Variants in GBP6 observed in about 807,000 individuals in gnomAD.
The protein encoded by GBP6 is guanylate-binding protein 6.
Under a neutral mutation model 61.5 loss-of-function variants are expected in GBP6, and 54 were observed. That is an observed-to-expected ratio of 0.88 (90% confidence interval 0.71 to 1.10). The LOEUF is 1.10. Ranked by LOEUF, GBP6 falls within the 50% of genes least tolerant of loss-of-function variation. The pLI is 0.00. For missense variants in GBP6, 748 were observed against 752.8 expected (o/e 0.99, Z 0.07); for synonymous variants, 255 against 273.7 (o/e 0.93, Z 0.67).
intron 2 of GBP6, 59 bp downstream of exon 2, chr1:89,368,800 TG>T: frequency 1.3e-6 from 2 of 1,501,720 alleles, no homozygotes; most frequent in Non-Finnish European, 1.8e-6. Context: ...CTCAGCTTCT[TG>T]ATTCTCTACC....
At chr1:89,367,665 T>C (rs1190316429) in intron 1 of GBP6, among the ~76,000 whole-genome samples, 1 of 152,196 alleles carries the variant, frequency 6.6e-6, no homozygotes, top group African/African-American at 2.4e-5. Context: ...TGAAGTGTGG[T>C]GTATCTAATT....
intron 3 of GBP6, among the ~76,000 whole-genome samples, chr1:89,374,660 A>T (rs1179917657): frequency 2.0e-5 from 3 of 152,118 alleles, no homozygotes; most frequent in Non-Finnish European, 4.4e-5. Context: ...TTTAATTTGC[A>T]TTTCCTTGAT....
intron 10 of GBP6, 31 bp downstream of exon 10, chr1:89,384,317 A>G: frequency 6.4e-7 from 1 of 1,559,336 alleles, no homozygotes; most frequent in African/African-American, 1.4e-5. Context: ...AGCAGGCCAG[A>G]CGGTCCTCAC....
chr1:89,377,911 G>T (rs948428279), intron 3 of GBP6, among the ~76,000 whole-genome samples, 192 bp from the exon 4 acceptor site: 2 of 152,164 alleles, frequency 1.3e-5, no homozygotes, highest in African/African-American at 4.8e-5. Context: ...ATGAAGATTA[G>T]AATCCTTTTA....
chr1:89,383,219 C>T (rs946722723), intron 8 of GBP6, among the ~76,000 whole-genome samples: 2 of 54,386 alleles, frequency 3.7e-5, no homozygotes, highest in African/African-American at 2.2e-4. Flanking sequence ...TTAAGAAGCA[C>T]CTTTATTTGG....
chr1:89,383,866 A>T, intron 9 of GBP6, 112 bp downstream of exon 9: 1 of 911,460 alleles, frequency 1.1e-6, no homozygotes, highest in South Asian at 1.7e-5. Flanking sequence ...TGTGGAACAC[A>T]CACTCTGCTA....
chr1:89,367,099 T>C (rs973845698), intron 1 of GBP6, among the ~76,000 whole-genome samples: 5 of 152,224 alleles, frequency 3.3e-5, no homozygotes, highest in African/African-American at 9.6e-5. Flanking sequence ...CTATTGTGCA[T>C]AATGCTGCCA....
intron 1 of GBP6, among the ~76,000 whole-genome samples, chr1:89,366,692 G>C (rs1652476592): frequency 1.3e-5 from 2 of 152,148 alleles, no homozygotes; most frequent in South Asian, 4.2e-4. Context: ...TCTCTTTTTT[G>C]TTGGTAAAAT....
chr1:89,368,862 C>T, intron 2 of GBP6, 121 bp downstream of exon 2: 1 of 797,622 alleles, frequency 1.3e-6, no homozygotes, highest in South Asian at 2.5e-5. Flanking sequence ...CCAACCTTCT[C>T]ATTCCAATTC....
chr1:89,378,143 T>C lies in GBP6; in HGVS notation c.359T>C (p.Val120Ala). The C allele has an allele frequency of 6.2e-7, 1 of 1,613,278 alleles. No homozygotes were observed. The highest frequency in any genetic ancestry group is 8.5e-7 in the Non-Finnish European group (1 of 1,179,776). ...KNDSWIFALA[V>A]LLCSTFVYNS... ...GACTCCTGGATCTTTGCCCTGGCTG[T>C]GCTCCTGTGCAGCACCTTTGTCTAC... The change falls in exon 4 of 11, where the codon GTG becomes GCG. Residue 120 changes from valine to alanine, a missense_variant. By Grantham distance (64) the Val-to-Ala change is moderately conservative (BLOSUM62 0). Coordinates refer to ENST00000370456, the MANE Select transcript of GBP6 (RefSeq NM_198460.3).
chr1:89,380,719 T>C, intron 6 of GBP6, 88 bp downstream of exon 6: 2 of 1,304,662 alleles, frequency 1.5e-6, no homozygotes, highest in Non-Finnish European at 2.1e-6. Context: ...TTAGATTCCA[T>C]ATAGAAAAAC....
Position 89,366,166 on chromosome 1 carries a change from T to C in GBP6, c.-24+2039T>C, listed in dbSNP as rs777700031. On this transcript the variant is annotated intron_variant, in intron 1 of 10. Coordinates refer to ENST00000370456, the MANE Select transcript of GBP6 (RefSeq NM_198460.3). The stretch of plus-strand genomic sequence containing the variant: ...CTCAAAAAGAAATCTCTCTAACTTA[T>C]CTATTAATATGTATGTACATAATTT... Among the ~76,000 whole-genome samples, 64 of 152,210 alleles carry C rather than the reference T, an allele frequency of 4.2e-4. 1 individual carries two copies. Among genetic ancestry groups the C allele is most frequent in the Non-Finnish European group, 8.2e-4 (56 of 68,032 alleles).
chr1:89,376,820 G>A (rs577431166), intron 3 of GBP6, among the ~76,000 whole-genome samples: 3 of 152,216 alleles, frequency 2.0e-5, no homozygotes, highest in Admixed American at 2.0e-4. Flanking sequence ...GGGCAACATA[G>A]TGAAAGCCCA....
rs896286635 is a variant in GBP6, at chr1:89,386,315, G to A, written c.*846G>A. 2 of 152,192 alleles carry A rather than the reference G, an allele frequency of 1.3e-5. No homozygotes were observed. The highest frequency in any genetic ancestry group is 2.4e-5 in the African/African-American group (1 of 41,438). The allele number at this position is 152,192 out of a possible 1,614,324, so 9.4% of individuals were successfully genotyped here. Reference sequence around the variant, plus strand: ...TCCTTCTGGGAAGAACCAAGTGAATGTAGGGGTTGAAGGAACACATACTCT... The same window carrying A: ...TCCTTCTGGGAAGAACCAAGTGAATATAGGGGTTGAAGGAACACATACTCT... On this transcript the variant is annotated 3_prime_UTR_variant, in exon 11 of 11. Coordinates refer to ENST00000370456, the MANE Select transcript of GBP6 (RefSeq NM_198460.3).
chr1:89,371,794 G>A (rs1282047098), intron 3 of GBP6, among the ~76,000 whole-genome samples: 2 of 152,192 alleles, frequency 1.3e-5, no homozygotes, highest in African/African-American at 4.8e-5. Flanking sequence ...ATTCAACATA[G>A]TGTTGGAAGT....
At chr1:89,372,320 G>C (rs1652667150) in intron 3 of GBP6, among the ~76,000 whole-genome samples, 1 of 152,012 alleles carries the variant, frequency 6.6e-6, no homozygotes, top group African/African-American at 2.4e-5. Flanking sequence ...CTACTTTAAA[G>C]TTCATATGGA....
rs780373179 is a variant in GBP6 at position 89,380,473 on chromosome 1, G to A, written c.713G>A (p.Arg238Gln). The A allele has an allele frequency of 2.9e-5, 47 of 1,613,882 alleles. No homozygotes were observed. The highest frequency in any genetic ancestry group is 3.6e-5 in the Non-Finnish European group (42 of 1,179,996). Residue 238 changes from arginine (R) to glutamine (Q), a missense_variant, in exon 6 of 11, where the codon CGG becomes CAG. Arg to Gln is a conservative substitution (Grantham distance 43). Coordinates refer to ENST00000370456, the MANE Select transcript of GBP6 (RefSeq NM_198460.3). ...FPKRKCFVFDRPTNDKDLLAN... is the reference protein window; with the variant it reads ...FPKRKCFVFDQPTNDKDLLAN... ...AAACGGAAGTGTTTCGTCTTTGACCGGCCAACAAATGACAAAGACCTTCTA... is the reference window on the plus strand; with the variant it reads ...AAACGGAAGTGTTTCGTCTTTGACCAGCCAACAAATGACAAAGACCTTCTA...
Position 89,383,345 on chromosome 1 carries a change from G to A in GBP6, c.1366-307G>A, listed in dbSNP as rs151138821. 4.1e-3 allele frequency among the ~76,000 whole-genome samples: 621 copies of A among 152,236 alleles called. 11 individuals carry two copies. Among genetic ancestry groups the A allele is most frequent in the Admixed American group, 0.03 (452 of 15,288 alleles). On this transcript the variant is annotated intron_variant, in intron 8 of 10. Transcript: ENST00000370456. ...TAGATTAGAGGCAGCATTGCACACT[G>A]GAAGACAGACATGTATAAGCATCAG...
At chr1:89,366,809 T>G (rs76708840) in intron 1 of GBP6, among the ~76,000 whole-genome samples, 3 of 152,178 alleles carry the variant, frequency 2.0e-5, no homozygotes, top group African/African-American at 7.2e-5. Context: ...TCTCTACCTT[T>G]AAACAATGAT....
Sources: allele counts gnomAD v4.1 joint callset (sites outside exome capture counted in the v4.1 genomes callset), GRCh38; gene constraint gnomAD v4.1.1; transcripts MANE v1.5; gene names NCBI Gene and HGNC (gene_info 2026-07-23, HGNC 2026-07-21).